The following IPO11 variants were observed in gnomAD, a reference collection of about 807,000 sequenced individuals.
IPO11 encodes the protein importin-11.
IPO11 carries 66 observed loss-of-function variants against 143.2 expected under a neutral mutation model. The ratio of observed to expected loss-of-function variants is 0.46; its 90% CI spans 0.38 to 0.57. The LOEUF (loss-of-function observed/expected upper bound fraction) is 0.57, where lower values mean the gene tolerates loss of function less well. IPO11 is among the 20% of genes least tolerant of loss of function. IPO11 has a pLI of 0.00. For synonymous variants in IPO11, 385 were observed against 377.8 expected (o/e 1.02, Z -0.22); for missense variants, 1,026 against 1,141.0 (o/e 0.90, Z 1.45).
intron 29 of IPO11, among the ~76,000 whole-genome samples, chr5:62,610,733 G>T (rs1745896059): frequency 6.6e-6 from 1 of 152,006 alleles, no homozygotes; most frequent in Non-Finnish European, 1.5e-5. Context: ...ATATATAATG[G>T]CAATAGAACT....
chr5:62,440,507 C>T (rs184573648), intron 2 of IPO11, among the ~76,000 whole-genome samples: 1 of 151,744 alleles, frequency 6.6e-6, no homozygotes, highest in African/African-American at 2.4e-5. Context: ...GGCGCCCCCC[C>T]ACCATGCCTA....
intron 27 of IPO11, among the ~76,000 whole-genome samples, chr5:62,567,933 TTTGA>T (rs1305821203): frequency 1.3e-5 from 2 of 150,666 alleles, no homozygotes; most frequent in Non-Finnish European, 3.0e-5. Flanking sequence ...TTTCTCCTCC[TTTGA>T]TTGTGTTTTG....
intron 29 of IPO11, among the ~76,000 whole-genome samples, chr5:62,621,560 GA>G (rs1040935891): frequency 1.3e-5 from 2 of 152,152 alleles, no homozygotes; most frequent in Admixed American, 6.5e-5. Flanking sequence ...TTTTAGGCTT[GA>G]AGGCTGGGTT....
intron 1 of IPO11, among the ~76,000 whole-genome samples, chr5:62,430,691 T>G (rs1446004053): frequency 6.6e-6 from 1 of 151,324 alleles, no homozygotes; most frequent in Non-Finnish European, 1.5e-5. Flanking sequence ...TTTTTTTTTT[T>G]TTTTTGAGAC....
At chr5:62,499,869 AGCCTAG>A (rs1741288110) in intron 16 of IPO11, among the ~76,000 whole-genome samples, 1 of 152,178 alleles carries the variant, frequency 6.6e-6, no homozygotes, top group South Asian at 2.1e-4. Context: ...CAAACACATT[AGCCTAG>A]GCCTACGCAG....
At chr5:62,551,868 G>T (rs62375050) in intron 26 of IPO11, among the ~76,000 whole-genome samples, 3 of 152,206 alleles carry the variant, frequency 2.0e-5, no homozygotes, top group Admixed American at 1.3e-4. Context: ...GCTCACGCCT[G>T]TAATCCCAGC....
At chr5:62,590,712 G>A (rs543313717) in intron 27 of IPO11, among the ~76,000 whole-genome samples, 1 of 152,140 alleles carries the variant, frequency 6.6e-6, no homozygotes, top group African/African-American at 2.4e-5. Flanking sequence ...CGTTATAAAA[G>A]TCTGTAAAGT....
intron 15 of IPO11, among the ~76,000 whole-genome samples, chr5:62,493,385 C>G (rs935557298): frequency 6.6e-6 from 1 of 152,062 alleles, no homozygotes; most frequent in African/African-American, 2.4e-5. Context: ...GTTACTTGAG[C>G]TAAAACCAAA....
At chr5:62,586,766 AAAATATATATATATATATATATATAT>A (rs1478866165) in intron 27 of IPO11, among the ~76,000 whole-genome samples, 15 of 76,236 alleles carry the variant, frequency 2.0e-4, no homozygotes, top group Non-Finnish European at 3.4e-4. Context: ...AAAAAAAAAA[AAAATATATATATATATATATATATAT>A]ATATATATAT....
intron 16 of IPO11, among the ~76,000 whole-genome samples, chr5:62,500,905 C>G (rs1239691381): frequency 6.6e-6 from 1 of 152,170 alleles, no homozygotes; most frequent in Non-Finnish European, 1.5e-5. Flanking sequence ...CATGACATCA[C>G]TATGTGATGG....
rs572100677 is a variant in IPO11 at position 62,535,362 on chromosome 5, G to A, written c.2090-1340G>A. Among the ~76,000 whole-genome samples the A allele has an allele frequency of 5.9e-5, 9 of 152,116 alleles. No homozygotes were observed. In the East Asian group the frequency reaches 1.7e-3, roughly 29 times the overall value. On this transcript the variant is annotated intron_variant, in intron 22 of 29. Coordinates refer to ENST00000325324, the MANE Select transcript of IPO11 (RefSeq NM_016338.5). ...GACCCTTGGCCCTACTTTTCATGGC[G>A]ATGGCCAGTCTGCTGTTCATTGTTG...
chr5:62,496,028 G>A (rs1052062423), intron 16 of IPO11, among the ~76,000 whole-genome samples: 1 of 152,046 alleles, frequency 6.6e-6, no homozygotes, highest in African/African-American at 2.4e-5. Context: ...GGTGACTCAC[G>A]CCTATAATCC....
chr5:62,625,208 A>G (rs1239279185), intron 29 of IPO11, among the ~76,000 whole-genome samples: 4 of 152,180 alleles, frequency 2.6e-5, no homozygotes, highest in Admixed American at 2.6e-4. Flanking sequence ...CTTTGTTTCA[A>G]GGAATAGAAA....
intron 27 of IPO11, among the ~76,000 whole-genome samples, chr5:62,587,060 T>C (rs2112419574): frequency 6.6e-6 from 1 of 152,008 alleles, no homozygotes; most frequent in Non-Finnish European, 1.5e-5. Flanking sequence ...TCATTGGGCA[T>C]TGTTTTTTAT....
chr5:62,474,220 A>G (rs1745880006), intron 7 of IPO11, among the ~76,000 whole-genome samples, 196 bp from the exon 8 acceptor site: 1 of 152,224 alleles, frequency 6.6e-6, no homozygotes, highest in South Asian at 2.1e-4. Flanking sequence ...TGAAGGGATG[A>G]AATACTATAG....
chr5:62,583,140 T>C (rs1231002483), intron 27 of IPO11, among the ~76,000 whole-genome samples: 1 of 152,200 alleles, frequency 6.6e-6, no homozygotes, highest in Non-Finnish European at 1.5e-5. Context: ...TTTGTTCACC[T>C]TGAGAGACAT....
chr5:62,453,930 C>G (rs963411815), intron 5 of IPO11, among the ~76,000 whole-genome samples: 1 of 151,734 alleles, frequency 6.6e-6, no homozygotes, highest in Non-Finnish European at 1.5e-5. Flanking sequence ...GTCAGGAGAT[C>G]GAGACCATCC....
At chr5:62,554,930 G>A (rs1743520565) in intron 26 of IPO11, among the ~76,000 whole-genome samples, 1 of 152,152 alleles carries the variant, frequency 6.6e-6, no homozygotes, top group African/African-American at 2.4e-5. Flanking sequence ...GGCCAGGCTG[G>A]TCTCAAACCC....
chr5:62,601,709 T>G, intron 28 of IPO11, 55 bp from the exon 29 acceptor site: 1 of 859,482 alleles, frequency 1.2e-6, no homozygotes, highest in Non-Finnish European at 1.7e-6. Flanking sequence ...GACTTATTTT[T>G]AAGTGTATTA....
Sources: allele counts gnomAD v4.1 joint callset (sites outside exome capture counted in the v4.1 genomes callset), GRCh38; gene constraint gnomAD v4.1.1; transcripts MANE v1.5; gene names NCBI Gene and HGNC (gene_info 2026-07-23, HGNC 2026-07-21).